RTCB: variants seen among roughly 807,000 people sequenced by gnomAD.
RTCB encodes the protein RNA-splicing ligase RTCB.
A neutral mutation model predicts 58.2 loss-of-function variants in RTCB; 32 were observed. The observed-to-expected ratio is 0.55, with a 90% confidence interval of 0.41 to 0.74. The LOEUF is 0.74. Ranked by LOEUF, RTCB falls within the 30% of genes least tolerant of loss-of-function variation. The pLI, the probability that RTCB is intolerant of heterozygous loss-of-function variation, is 0.00. For synonymous variants in RTCB, 247 were observed against 218.6 expected (o/e 1.13, Z -1.15); for missense variants, 523 against 639.0 (o/e 0.82, Z 1.96).
rs888340714 is a variant in RTCB, at chr22:32,395,941, C to T, written c.990+133G>A. On this transcript the variant is annotated intron_variant, in intron 8 of 11. Transcript: ENST00000216038. ...GTCTGGATCTCCTAACCTTGTGATC[C>T]GCCCCCCCTCGGCCTCCCAAAGTGT... 14 of 749,338 alleles carry T rather than the reference C, an allele frequency of 1.9e-5. 1 individual carries two copies. The highest frequency in any genetic ancestry group is 1.0e-4 in the South Asian group (6 of 57,516). The allele number at this position is 749,338 out of a possible 1,614,324, so 46.4% of individuals were successfully genotyped here.
chr22:32,405,220 T>C (rs565817731), intron 4 of RTCB, among the ~76,000 whole-genome samples: 4 of 152,322 alleles, frequency 2.6e-5, no homozygotes, highest in African/African-American at 9.6e-5. Flanking sequence ...CATGTACTTA[T>C]ATATTCTTGT....
Position 32,393,980 on chromosome 22 carries a change from A to G in RTCB, c.1202T>C (p.Ile401Thr). The G allele has an allele frequency of 6.2e-7, 1 of 1,613,616 alleles. No individual in the cohort carries two copies. Among genetic ancestry groups the G allele is most frequent in the Non-Finnish European group, 8.5e-7 (1 of 1,179,474 alleles). ...ACTACAGGTTCCCATGGTGCCACCA[A>G]TGAGCACTGGCTGTCCAGTGAGCTG... The part of the protein sequence containing the change: ...DYQLTGQPVL[I>T]GGTMGTCSYV... Residue 401 changes from isoleucine to threonine, a missense_variant, in exon 10 of 12, where the codon ATT (isoleucine) becomes ACT (threonine). This residue lies in a region of RTCB where 248 missense variants were observed against 292.5 expected (regional missense o/e 0.85). Transcript: ENST00000216038.
intron 4 of RTCB, among the ~76,000 whole-genome samples, chr22:32,403,608 C>T (rs77261902): frequency 0.035 from 5,272 of 152,154 alleles, 289 homozygotes; most frequent in African/African-American, 0.12. Context: ...GAGACAGGGT[C>T]TTGCTTTGTT....
At chr22:32,388,685 T>C (rs1011347861) in intron 11 of RTCB, among the ~76,000 whole-genome samples, 11 of 152,188 alleles carry the variant, frequency 7.2e-5, no homozygotes, top group African/African-American at 2.7e-4. Flanking sequence ...CCACACAGCC[T>C]TGCCACCATT....
chr22:32,387,974 G>A lies in RTCB; in HGVS notation c.*18C>T, dbSNP rs1369471250. 6.6e-7 allele frequency: 1 copy of A among 1,519,740 alleles called. No homozygotes were observed. The highest frequency in any genetic ancestry group is 9.1e-7 in the Non-Finnish European group (1 of 1,094,530). The allele number at this position is 1,519,740 out of a possible 1,614,324, so 94.1% of individuals were successfully genotyped here. On this transcript the variant is annotated 3_prime_UTR_variant, in exon 12 of 12. Transcript: ENST00000216038. ...CAGAGAGGGTTGGTGGTGTCAGGCA[G>A]CCCTGCTGTCCAAGGTTCTATCCTT...
At chr22:32,411,378 A>G (rs1601433662) in intron 1 of RTCB, among the ~76,000 whole-genome samples, 2 of 152,206 alleles carry the variant, frequency 1.3e-5, no homozygotes, top group Admixed American at 6.5e-5. Context: ...AGGCTTTCAA[A>G]CTATCTGATG....
chr22:32,406,385 C>T (rs186104446), intron 4 of RTCB, among the ~76,000 whole-genome samples: 1 of 152,078 alleles, frequency 6.6e-6, no homozygotes, highest in Admixed American at 6.6e-5. Context: ...TACAGTGGCA[C>T]GAACTCGGCT....
Position 32,387,953 on chromosome 22 carries a change from G to T in RTCB, c.*39C>A, listed in dbSNP as rs200817908. Reference sequence around the variant, plus strand: ...CATGTCAGTCCACTTCCACTTCAGAGAGGGTTGGTGGTGTCAGGCAGCCCT... The same window carrying T: ...CATGTCAGTCCACTTCCACTTCAGATAGGGTTGGTGGTGTCAGGCAGCCCT... On this transcript the variant is annotated 3_prime_UTR_variant, in exon 12 of 12. Transcript: ENST00000216038. 532 of 1,294,918 alleles carry T rather than the reference G, an allele frequency of 4.1e-4. 1 individual carries two copies. Among genetic ancestry groups the T allele is most frequent in the Non-Finnish European group, 5.4e-4 (484 of 890,232 alleles). The allele number at this position is 1,294,918 out of a possible 1,614,324, so 80.2% of individuals were successfully genotyped here.
chr22:32,395,324 A>G, intron 8 of RTCB, 110 bp from the exon 9 acceptor site: 1 of 895,712 alleles, frequency 1.1e-6, no homozygotes, highest in Non-Finnish European at 1.7e-6. Context: ...GGAGTAAAAG[A>G]TTTAAAAGTT....
Position 32,408,885 on chromosome 22 carries a change from T to A in RTCB, c.94-52A>T, listed in dbSNP as rs377382141. 3.0e-5 allele frequency: 38 copies of A among 1,269,268 alleles called. No individual in the cohort carries two copies. The African/African-American group carries it at 4.7e-4, about 16-fold the overall frequency. 78.6% of individuals were successfully genotyped at this position (1,269,268 alleles called of 1,614,324 possible). ...TGTCTGAGTACATGCGCGGCAAGTG[T>A]AGGCACTGGACAGAATGCACTGTAT... On this transcript the variant is annotated intron_variant, in intron 1 of 11. Coordinates refer to ENST00000216038, the MANE Select transcript of RTCB (RefSeq NM_014306.5).
At position 32,392,272 on chromosome 22, in the gene RTCB, G is replaced by A. The variant is rs1933165153; in HGVS notation, c.1378C>T (p.Arg460Cys). ...DKLADMGIAI[R>C]VASPKLVMEE... ...ATAACCAGTTTGGGTGAGGCAACAC[G>A]GATCGCAATTCCCATATCTGCCAAT... Residue 460 changes from arginine to cysteine, a missense_variant, in exon 11 of 12, where the codon CGT becomes TGT. Arg to Cys is a radical substitution (Grantham distance 180). Transcript: ENST00000216038. 4 of 1,613,674 alleles carry A rather than the reference G, an allele frequency of 2.5e-6. No homozygotes were observed. The highest frequency in any genetic ancestry group is 1.3e-5 in the African/African-American group (1 of 74,868).
At position 32,395,982 on chromosome 22, in the gene RTCB, G is replaced by A. The variant is rs1237676937; in HGVS notation, c.990+92C>T. On this transcript the variant is annotated intron_variant, in intron 8 of 11. Coordinates refer to ENST00000216038, the MANE Select transcript of RTCB (RefSeq NM_014306.5). ...CCCAAAGTGTTGGGATTACAGGCAT[G>A]AGCCACCGTGTCCAGCCTGGACTGC... is the stretch of plus-strand genomic sequence containing the variant. 7.6e-6 allele frequency: 10 copies of A among 1,319,668 alleles called. No homozygotes were observed. The South Asian group carries it at 8.2e-5, about 11-fold the overall frequency. 81.7% of individuals were successfully genotyped at this position (1,319,668 alleles called of 1,614,324 possible). A position where few individuals can be genotyped will look rare whatever the true frequency, so the allele number is the denominator to read the frequency against.
At chr22:32,410,887 T>C (rs1188131053) in intron 1 of RTCB, among the ~76,000 whole-genome samples, 1 of 152,158 alleles carries the variant, frequency 6.6e-6, no homozygotes, top group Non-Finnish European at 1.5e-5. Context: ...TAAATTTTTT[T>C]TGTAGAGACA....
intron 1 of RTCB, 75 bp downstream of exon 1, chr22:32,411,989 C>T (rs1352298136): frequency 8.7e-7 from 1 of 1,151,560 alleles, no homozygotes; most frequent in Non-Finnish European, 1.3e-6. Context: ...CAGGGGAGGT[C>T]CAGAGGGCGC....
rs540201462 is a variant in RTCB, at chr22:32,409,646, C to A, written c.94-813G>T. The stretch of plus-strand genomic sequence containing the variant: ...TGCATAAATAACAATTTAATACCCA[C>A]TGATGGAAAATATTTCCAGTATAAT... On this transcript the variant is annotated intron_variant, in intron 1 of 11. Coordinates refer to ENST00000216038, the MANE Select transcript of RTCB (RefSeq NM_014306.5). Among the ~76,000 whole-genome samples, 3 of 152,242 alleles carry A rather than the reference C, an allele frequency of 2.0e-5. No individual in the cohort carries two copies. In the East Asian group the frequency reaches 5.8e-4, roughly 29 times the overall value.
chr22:32,410,665 C>T (rs1569443767), intron 1 of RTCB, among the ~76,000 whole-genome samples: 1 of 151,910 alleles, frequency 6.6e-6, no homozygotes, highest in Non-Finnish European at 1.5e-5. Context: ...CAGACAATGA[C>T]AGTCTGTGTT....
chr22:32,401,899 A>G lies in RTCB; in HGVS notation c.345T>C (p.Gly115=), dbSNP rs1933341768. ...CACCACAGTTGATGTCAAACCCGAC[A>G]CCACCTACAAAATAGAGAAAAGTTA... ...NDPEAVVSPG[G]VGFDINCGVR... The change falls in exon 5 of 12, where the codon GGT becomes GGC. Residue 115 remains glycine, a synonymous_variant. Transcript: ENST00000216038. 1.2e-6 allele frequency: 2 copies of G among 1,613,662 alleles called. No homozygotes were observed. The highest frequency in any genetic ancestry group is 1.7e-6 in the Non-Finnish European group (2 of 1,179,754).
intron 3 of RTCB, chr22:32,407,322 C>G (rs956768810): frequency 6.5e-6 from 1 of 152,962 alleles, no homozygotes; most frequent in African/African-American, 2.4e-5. Flanking sequence ...CCATTTCATT[C>G]CCTCTACCAA....
intron 4 of RTCB, among the ~76,000 whole-genome samples, chr22:32,403,393 C>T (rs1411001329): frequency 1.3e-5 from 2 of 150,566 alleles, no homozygotes; most frequent in Admixed American, 6.6e-5. Context: ...GGCAACAGAG[C>T]GAGACTCCGT....
Sources: gnomAD v4.1 joint callset for allele counts (sites outside exome capture counted in the v4.1 genomes callset) on GRCh38, gnomAD v4.1.1 for gene constraint, gnomAD v4.1.1 regional missense constraint, MANE v1.5 for transcripts, NCBI Gene and HGNC (gene_info 2026-07-23, HGNC 2026-07-21) for gene names.